Variants in AIG1 observed in about 807,000 individuals in gnomAD.
AIG1 encodes the protein androgen-induced gene 1 protein.
AIG1 carries 23 observed loss-of-function variants against 31.4 expected under a neutral mutation model. The observed-to-expected ratio is 0.73, with a 90% CI of 0.53 to 1.04. The LOEUF (loss-of-function observed/expected upper bound fraction) is 1.04. AIG1 is among the 50% of genes least tolerant of loss of function. The pLI is 0.00. For missense variants in AIG1, 274 were observed against 295.0 expected (o/e 0.93, Z 0.52); for synonymous variants, 100 against 110.5 (o/e 0.90, Z 0.60).
intron 3 of AIG1, among the ~76,000 whole-genome samples, chr6:143,222,013 G>T (rs901482482): frequency 5.9e-5 from 9 of 152,114 alleles, no homozygotes; most frequent in Non-Finnish European, 1.0e-4. Context: ...ACTTTAATAG[G>T]CTGCGAACAC....
chr6:143,183,498 A>G (rs144483394), intron 3 of AIG1, among the ~76,000 whole-genome samples: 245 of 152,092 alleles, frequency 1.6e-3, no homozygotes, highest in Middle Eastern at 0.014. Flanking sequence ...CCGGTCAGAC[A>G]ATGGCTTTTT....
rs1052518376 is a variant in AIG1, at chr6:143,190,584, T to A, written c.399+25401T>A. 4 of 985,304 alleles carry A rather than the reference T, an allele frequency of 4.1e-6. No homozygotes were observed. In the African/African-American group the frequency reaches 7.0e-5, roughly 17 times the overall value. 61.0% of individuals were successfully genotyped at this position (985,304 alleles called of 1,614,324 possible). A position where few individuals can be genotyped will look rare whatever the true frequency, so the allele number is the denominator to read the frequency against. ...TGTATGTGAATAAACTATGAAGCAT[T>A]TTCTTACAAAAAACTTCATTCAGTG... On this transcript the variant is annotated intron_variant, in intron 3 of 5. Transcript: ENST00000357847.
rs538465876 is a variant in AIG1 at position 143,264,384 on chromosome 6, G to C, written c.400-19726G>C. ...TTGCATTTTAAGATCTTTTTTATGA[G>C]ATGTTCTCAGCAGGCATCTTCAAGG... On this transcript the variant is annotated intron_variant, in intron 3 of 5. Coordinates refer to ENST00000357847, the MANE Select transcript of AIG1 (RefSeq NM_016108.4). 3.4e-4 allele frequency among the ~76,000 whole-genome samples: 52 copies of C among 152,224 alleles called. No individual in the cohort carries two copies. The South Asian group carries it at 0.011, about 32-fold the overall frequency.
At chr6:143,131,201 T>C (rs1783204778) in intron 1 of AIG1, among the ~76,000 whole-genome samples, 1 of 152,220 alleles carries the variant, frequency 6.6e-6, no homozygotes, top group Admixed American at 6.5e-5. Context: ...CCTATTTTAG[T>C]TTTCTTTTTG....
At position 143,279,497 on chromosome 6, in the gene AIG1, A is replaced by C. The variant is rs111394289; in HGVS notation, c.400-4613A>C. Among the ~76,000 whole-genome samples, 555 of 152,238 alleles carry C rather than the reference A, an allele frequency of 3.6e-3. 6 individuals are homozygous for C. The highest frequency in any genetic ancestry group is 0.013 in the African/African-American group (529 of 41,550). ...CTGCAAAAGCCCTTTTTCTTGTCCC[A>C]TCTGCTTCCGAGTCTTCACATCAGA... is the stretch of plus-strand genomic sequence containing the variant. On this transcript the variant is annotated intron_variant, in intron 3 of 5. Transcript: ENST00000357847. This position sits in a 1 kb window ranked among gnomAD's most constrained non-coding sequence, Gnocchi z 5.4.
intron 3 of AIG1, among the ~76,000 whole-genome samples, chr6:143,175,781 T>C (rs894341188): frequency 3.3e-5 from 5 of 152,266 alleles, no homozygotes; most frequent in Admixed American, 3.3e-4. Flanking sequence ...AGCTTAATAA[T>C]TGACCTTCTG....
upstream of AIG1, chr6:143,060,792 G>GC (rs1776153951): frequency 3.1e-5 from 1 of 32,408 alleles, no homozygotes; most frequent in Non-Finnish European, 6.8e-5. Flanking sequence ...CCCCGCCCCC[G>GC]CCCCCGCCCC....
Position 143,333,245 on chromosome 6 carries a change from G to A in AIG1, c.516-37G>A, listed in dbSNP as rs371795269. The A allele has an allele frequency of 7.0e-6, 11 of 1,561,270 alleles. No homozygotes were observed. The highest frequency in any genetic ancestry group is 9.5e-6 in the Non-Finnish European group (11 of 1,154,050). ...CAGCTTTGATGCCTGCCATAAGAGT[G>A]ACTCCTGTCCTTGTCTCCTTTCCGA... On this transcript the variant is annotated intron_variant, in intron 4 of 5. Coordinates refer to ENST00000357847, the MANE Select transcript of AIG1 (RefSeq NM_016108.4). This position sits in a 1 kb window ranked among gnomAD's most constrained non-coding sequence, Gnocchi z 4.6.
At chr6:143,269,057 G>C (rs1310134423) in intron 3 of AIG1, among the ~76,000 whole-genome samples, 2 of 150,272 alleles carry the variant, frequency 1.3e-5, no homozygotes, top group Non-Finnish European at 3.0e-5. Flanking sequence ...TCAGGCCCTT[G>C]TTCAGACTGC....
intron 2 of AIG1, among the ~76,000 whole-genome samples, chr6:143,143,528 A>AAAAAATATATATAT (rs1554249782): frequency 1.8e-4 from 5 of 27,790 alleles, no homozygotes; most frequent in East Asian, 5.1e-3. Flanking sequence ...AAAAAAAAAA[A>AAAAAATATATATAT]ATATATATAT....
At chr6:143,118,357 G>A (rs955164095) in intron 1 of AIG1, among the ~76,000 whole-genome samples, 7 of 152,050 alleles carry the variant, frequency 4.6e-5, no homozygotes, top group Non-Finnish European at 8.8e-5. Context: ...TACTCGAGAG[G>A]CTGAGGCAGG....
At position 143,244,513 on chromosome 6, in the gene AIG1, C is replaced by T. The variant is rs559934929; in HGVS notation, c.400-39597C>T. On this transcript the variant is annotated intron_variant, in intron 3 of 5. Transcript: ENST00000357847. ...ATGAATTCACAGCACACTGAGTAGG[C>T]TCTGATAACGTACTAAATGGATCAC... Among the ~76,000 whole-genome samples, 8 of 152,342 alleles carry T rather than the reference C, an allele frequency of 5.3e-5. No homozygotes were observed. The South Asian group carries it at 1.7e-3, about 32-fold the overall frequency.
At chr6:143,126,716 C>T (rs1168718421) in intron 1 of AIG1, among the ~76,000 whole-genome samples, 6 of 152,142 alleles carry the variant, frequency 3.9e-5, no homozygotes, top group African/African-American at 1.4e-4. Context: ...CTATAAAGTA[C>T]CTCATGATAT....
intron 3 of AIG1, among the ~76,000 whole-genome samples, chr6:143,223,272 A>G (rs765324871): frequency 3.3e-5 from 5 of 152,260 alleles, no homozygotes; most frequent in Non-Finnish European, 5.9e-5. Context: ...CAAAATCAGA[A>G]CGTTCCAAAA....
At position 143,291,484 on chromosome 6, in the gene AIG1, A is replaced by C. The variant is rs755099108; in HGVS notation, c.515+7259A>C. ...AACCTCACACTTATGCACCCGACGC[A>C]GAGGTGAGCACCTGGACTTCAGCCT... On this transcript the variant is annotated intron_variant, in intron 4 of 5. Transcript: ENST00000357847. This position sits in a 1 kb window ranked among gnomAD's most constrained non-coding sequence, Gnocchi z 4.2. Among the ~76,000 whole-genome samples, 3 of 152,236 alleles carry C rather than the reference A, an allele frequency of 2.0e-5. No homozygotes were observed. The highest frequency in any genetic ancestry group is 4.4e-5 in the Non-Finnish European group (3 of 68,042).
intron 2 of AIG1, among the ~76,000 whole-genome samples, chr6:143,151,432 C>G (rs755433502): frequency 4.6e-5 from 7 of 152,142 alleles, no homozygotes; most frequent in African/African-American, 7.2e-5. Flanking sequence ...TTTCCCATTG[C>G]AAATTATGTG....
intron 1 of AIG1, among the ~76,000 whole-genome samples, chr6:143,105,805 T>C (rs756821030): frequency 1.3e-5 from 2 of 152,224 alleles, no homozygotes; most frequent in Non-Finnish European, 2.9e-5. Flanking sequence ...AGGTTTTAGC[T>C]GTGCAGGCAG....
rs2128719607 is a variant in AIG1 at position 143,326,995 on chromosome 6, C to T, written c.516-6287C>T. On this transcript the variant is annotated intron_variant, in intron 4 of 5. Transcript: ENST00000357847. The surrounding 1 kb of genome is among the most constrained non-coding windows in gnomAD (Gnocchi z 4.5). ...CAAAAAATCAGTGGGAGGCCTTTGA[C>T]ATGTTGAAAGCAGGGATATGGTGTG... 6.6e-6 allele frequency among the ~76,000 whole-genome samples: 1 copy of T among 152,278 alleles called. No homozygotes were observed. The highest frequency in any genetic ancestry group is 2.1e-4 in the South Asian group (1 of 4,824).
intron 3 of AIG1, among the ~76,000 whole-genome samples, chr6:143,246,054 A>G (rs931437119): frequency 3.3e-5 from 5 of 152,164 alleles, no homozygotes; most frequent in African/African-American, 1.2e-4. Context: ...GTTTTAAGAA[A>G]GTTTAGAAAT....
Sources: gnomAD v4.1 joint callset for allele counts (sites outside exome capture counted in the v4.1 genomes callset) on GRCh38, gnomAD v4.1.1 for gene constraint, Gnocchi (gnomAD v3.1) non-coding constraint, MANE v1.5 for transcripts, NCBI Gene and HGNC (gene_info 2026-07-23, HGNC 2026-07-21) for gene names.